The following EVC variants were observed in gnomAD, a reference collection of about 807,000 sequenced individuals.
EVC encodes evC complex member EVC.
A neutral mutation model predicts 118.9 loss-of-function variants in EVC; 116 were observed. The observed-to-expected ratio is 0.98, with a 90% CI of 0.84 to 1.14. The LOEUF (loss-of-function observed/expected upper bound fraction) is 1.14, where lower values mean the gene tolerates loss of function less well. Among genes scored for constraint, EVC ranks in the 50% most tolerant of loss-of-function variants. The pLI, the probability that EVC is intolerant of heterozygous loss-of-function variation, is 0.00. For synonymous variants in EVC, 619 were observed against 534.7 expected, an observed-to-expected ratio of 1.16 and a Z score of -2.18; for missense variants, 1,401 against 1,246.4, an observed-to-expected ratio of 1.12 and a Z score of -1.87.
At chr4:5,720,707 G>T (rs1009020016) in intron 2 of EVC, among the ~76,000 whole-genome samples, 2 of 152,174 alleles carry the variant, frequency 1.3e-5, no homozygotes, top group Non-Finnish European at 1.5e-5. Flanking sequence ...CAACGTGGAC[G>T]GGGGGAGAGA....
chr4:5,759,799 G>T (rs1731724715), intron 11 of EVC, among the ~76,000 whole-genome samples: 1 of 152,206 alleles, frequency 6.6e-6, no homozygotes, highest in African/African-American at 2.4e-5. Context: ...ATTTTGCCAA[G>T]GTTGAGGCTG....
intron 17 of EVC, among the ~76,000 whole-genome samples, chr4:5,805,558 G>T (rs976008200): frequency 2.6e-5 from 4 of 152,200 alleles, no homozygotes; most frequent in African/African-American, 9.7e-5. Context: ...AGCATCACTC[G>T]GCTTTCCTGC....
At chr4:5,797,521 C>T (rs1403418853) in intron 14 of EVC, 2 of 529,600 alleles carry the variant, frequency 3.8e-6, no homozygotes, top group African/African-American at 3.8e-5. Flanking sequence ...TGTCTTCAAC[C>T]TGTGTCCTCC....
chr4:5,783,322 G>T (rs1735916895), intron 11 of EVC, among the ~76,000 whole-genome samples: 1 of 148,484 alleles, frequency 6.7e-6, no homozygotes, highest in African/African-American at 2.4e-5. Context: ...GTGTACAAGT[G>T]TGTGTGCATG....
chr4:5,715,641 G>C (rs1470672973), intron 1 of EVC, among the ~76,000 whole-genome samples: 1 of 151,496 alleles, frequency 6.6e-6, no homozygotes, highest in Non-Finnish European at 1.5e-5. Context: ...GAACTTCTAT[G>C]TCTGAAAATA....
intron 6 of EVC, 52 bp from the exon 7 acceptor site, chr4:5,745,152 C>T (rs1044754513): frequency 2.8e-5 from 44 of 1,562,038 alleles, no homozygotes; most frequent in Middle Eastern, 3.6e-4. Context: ...ATTTAAGACA[C>T]GCTAAACTTT....
At chr4:5,794,154 T>G (rs1324249713) in intron 13 of EVC, among the ~76,000 whole-genome samples, 1 of 150,172 alleles carries the variant, frequency 6.7e-6, no homozygotes, top group Admixed American at 6.7e-5. Flanking sequence ...ACATTTTTGC[T>G]ATAACAATTA....
Position 5,809,611 on chromosome 4 carries a change from G to C in EVC, c.2782G>C (p.Glu928Gln), listed in dbSNP as rs1489027267. The C allele has an allele frequency of 1.9e-6, 3 of 1,614,018 alleles. No individual in the cohort carries two copies. Among genetic ancestry groups the C allele is most frequent in the Admixed American group, 3.3e-5 (2 of 60,018 alleles). ...GTTGCCTGCTAAGCGTGGGCTGCTA[G>C]GTGAGTCACAGATGCTTGAGTTGCA... ...KLLPAKRGLL[E>Q]KPLRTKRKKP... The change falls in exon 19 of 21, where the codon GAG (glutamate) becomes CAG (glutamine). Residue 928 changes from glutamate (E) to glutamine (Q), a missense_variant and splice_region_variant. By Grantham distance (29) the Glu-to-Gln change is conservative. Coordinates refer to ENST00000264956, the MANE Select transcript of EVC (RefSeq NM_153717.3).
chr4:5,766,012 A>T, intron 11 of EVC, among the ~76,000 whole-genome samples: 1 of 131,870 alleles, frequency 7.6e-6, no homozygotes, highest in African/African-American at 2.9e-5. Context: ...TGGTCTTTAC[A>T]TTTTGGCTTG....
chr4:5,805,852 C>A (rs1715787260), intron 17 of EVC, among the ~76,000 whole-genome samples: 1 of 151,266 alleles, frequency 6.6e-6, no homozygotes, highest in Non-Finnish European at 1.5e-5. Context: ...GCCCTTCCCT[C>A]CCTGTCACAC....
At chr4:5,806,455 G>T (rs1488072754) in intron 17 of EVC, among the ~76,000 whole-genome samples, 6 of 152,046 alleles carry the variant, frequency 3.9e-5, no homozygotes, top group African/African-American at 1.4e-4. Flanking sequence ...AGATATTTCT[G>T]TTTCTGAGTT....
At chr4:5,782,888 G>A (rs1158262624) in intron 11 of EVC, among the ~76,000 whole-genome samples, 1 of 152,196 alleles carries the variant, frequency 6.6e-6, no homozygotes, top group East Asian at 1.9e-4. Flanking sequence ...AAATAATCTA[G>A]ATGGTGACCC....
intron 2 of EVC, among the ~76,000 whole-genome samples, chr4:5,728,415 A>G (rs866343466): frequency 2.0e-5 from 3 of 151,754 alleles, no homozygotes; most frequent in Middle Eastern, 3.4e-3. Flanking sequence ...ATTTTTGTAC[A>G]TTGATTTTGT....
chr4:5,810,261 G>A, intron 19 of EVC, 78 bp from the exon 20 acceptor site: 1 of 1,087,420 alleles, frequency 9.2e-7, no homozygotes, highest in African/African-American at 1.5e-5. Flanking sequence ...ATGTCAGGCT[G>A]GGTTGGTGTG....
At chr4:5,721,460 T>G (rs1724945596) in intron 2 of EVC, among the ~76,000 whole-genome samples, 1 of 152,170 alleles carries the variant, frequency 6.6e-6, no homozygotes, top group South Asian at 2.1e-4. Flanking sequence ...TAGGAAGATT[T>G]ATACAGACAG....
At chr4:5,816,700 C>T (rs931930107), downstream of EVC, among the ~76,000 whole-genome samples, 75 of 149,300 alleles carry the variant, frequency 5.0e-4, no homozygotes, top group African/African-American at 1.6e-3. Context: ...CCCTTCTCCC[C>T]TCTCTCCCCT....
intron 12 of EVC, among the ~76,000 whole-genome samples, chr4:5,787,435 G>A (rs540194566): frequency 1.7e-3 from 263 of 152,350 alleles, no homozygotes; most frequent in African/African-American, 5.8e-3. Context: ...AGCAGTGCCA[G>A]AGTGAGGAGT....
chr4:5,785,013 C>T (rs999817199), intron 12 of EVC, among the ~76,000 whole-genome samples: 1 of 152,164 alleles, frequency 6.6e-6, no homozygotes, highest in Admixed American at 6.5e-5. Context: ...CCCCTGCCTT[C>T]GGCCCTCTAG....
At chr4:5,794,324 T>TA (rs1713434890) in intron 13 of EVC, among the ~76,000 whole-genome samples, 2 of 135,188 alleles carry the variant, frequency 1.5e-5, no homozygotes, top group Non-Finnish European at 3.1e-5. Context: ...TTTATATATA[T>TA]TTATATATAT....
Sources: allele counts gnomAD v4.1 joint callset (sites outside exome capture counted in the v4.1 genomes callset), GRCh38; gene constraint gnomAD v4.1.1; transcripts MANE v1.5; gene names NCBI Gene and HGNC (gene_info 2026-07-23, HGNC 2026-07-21).